Variants in HPS5 observed in about 807,000 individuals in gnomAD.
The protein encoded by HPS5 is BLOC-2 complex member HPS5.
HPS5 carries 83 observed loss-of-function variants against 128.0 expected under a neutral mutation model. That is an observed-to-expected ratio of 0.65 (90% CI 0.54 to 0.78). The LOEUF is 0.78. Among genes scored for constraint, HPS5 ranks in the 30% least tolerant of loss-of-function variants. The pLI, the probability that HPS5 is intolerant of heterozygous loss-of-function variation, is 0.00. For missense variants in HPS5, 1,281 were observed against 1,326.2 expected, an observed-to-expected ratio of 0.97 and a Z score of 0.53; for synonymous variants, 475 against 470.2, an observed-to-expected ratio of 1.01 and a Z score of -0.13.
At chr11:18,289,557 A>C (rs1208064833) in intron 16 of HPS5, among the ~76,000 whole-genome samples, 5 of 151,904 alleles carry the variant, frequency 3.3e-5, no homozygotes, top group African/African-American at 1.2e-4. Context: ...ATTTCACACA[A>C]AAGACAATCT....
At position 18,296,061 on chromosome 11, in the gene HPS5, G is replaced by A. The variant is rs1449878807; in HGVS notation, c.1572C>T (p.Phe524=). ...ETDKNETFLP[F]GIPLPFRSPS... ...GAGAACGAAATGGTAATGGAATGCC[G>A]AACGGGAGAAAAGTTTCATTCTTAT... Residue 524 remains phenylalanine, a synonymous_variant, in exon 13 of 23, where the codon TTC becomes TTT. Transcript: ENST00000349215. 14 of 1,612,904 alleles carry A rather than the reference G, an allele frequency of 8.7e-6. No homozygotes were observed. Among genetic ancestry groups the A allele is most frequent in the East Asian group, 2.2e-5 (1 of 44,870 alleles).
chr11:18,306,927 T>C (rs1862439997), intron 6 of HPS5, among the ~76,000 whole-genome samples: 1 of 152,206 alleles, frequency 6.6e-6, no homozygotes, highest in Non-Finnish European at 1.5e-5. Flanking sequence ...AAGGTGATAA[T>C]GATGAGGGAG....
intron 12 of HPS5, 71 bp from the exon 13 acceptor site, chr11:18,296,193 A>C: frequency 1.3e-6 from 2 of 1,514,748 alleles, no homozygotes; most frequent in Non-Finnish European, 1.8e-6. Context: ...CTTTAAAAAA[A>C]TTCTGAAATG....
intron 2 of HPS5, among the ~76,000 whole-genome samples, chr11:18,313,193 A>C (rs1321284048): frequency 6.6e-6 from 1 of 152,138 alleles, no homozygotes; most frequent in East Asian, 1.9e-4. Flanking sequence ...TTGAATTCCA[A>C]GGACAATCAA....
intron 4 of HPS5, 57 bp from the exon 5 acceptor site, chr11:18,310,990 G>T: frequency 7.7e-7 from 1 of 1,303,746 alleles, no homozygotes; most frequent in Non-Finnish European, 1.1e-6. Flanking sequence ...GTACAATTTT[G>T]TTGCATCACA....
At position 18,298,859 on chromosome 11, in the gene HPS5, C is replaced by T; in HGVS notation, c.1097G>A (p.Arg366Lys). 6.2e-7 allele frequency: 1 copy of T among 1,614,214 alleles called. No homozygotes were observed. The highest frequency in any genetic ancestry group is 8.5e-7 in the Non-Finnish European group (1 of 1,180,034). ...SVERCVERLLRRGLWNLAART... is the reference protein window; with the variant it reads ...SVERCVERLLKRGLWNLAART... ...AGCAGCCAAGTTCCATAGGCCTCTTCTTAGCAGGCGTTCCACACAGCGCTC... is the reference window on the plus strand; with the variant it reads ...AGCAGCCAAGTTCCATAGGCCTCTTTTTAGCAGGCGTTCCACACAGCGCTC... The change falls in exon 10 of 23, where the codon AGA becomes AAA. Residue 366 changes from arginine (R) to lysine (K), a missense_variant. Arg to Lys is a conservative substitution (Grantham distance 26). Coordinates refer to ENST00000349215, the MANE Select transcript of HPS5 (RefSeq NM_181507.2).
At position 18,310,800 on chromosome 11, in the gene HPS5, C is replaced by G. The variant is rs150043561; in HGVS notation, c.418G>C (p.Val140Leu). 3 of 1,614,152 alleles carry G rather than the reference C, an allele frequency of 1.9e-6. No individual in the cohort carries two copies. Among genetic ancestry groups the G allele is most frequent in the Non-Finnish European group, 2.5e-6 (3 of 1,180,008 alleles). ...GAAACCTTCCCAGCATGATCACCTACAAAAACTCTAAGAATAGCTGTATCC... is the reference window on the plus strand; with the variant it reads ...GAAACCTTCCCAGCATGATCACCTAGAAAAACTCTAAGAATAGCTGTATCC... ...CWDTAILRVF[V>L]GDHAGKVSAI... The change falls in exon 5 of 23, where the codon GTA (valine) becomes CTA (leucine). Residue 140 changes from valine to leucine, a missense_variant. Transcript: ENST00000349215.
chr11:18,311,516 T>A lies in HPS5; in HGVS notation c.220-65A>T, dbSNP rs915765049. ...TTTACATTATTATTATTATTATTTT[T>A]TTTTTTTTTTTTGAGACTGAGTCTC... On this transcript the variant is annotated intron_variant, in intron 3 of 22. Transcript: ENST00000349215. 1.2e-3 allele frequency: 1,040 copies of A among 866,196 alleles called. 2 individuals are homozygous for A. Among genetic ancestry groups the A allele is most frequent in the African/African-American group, 7.7e-3 (429 of 55,636 alleles). 53.7% of individuals were successfully genotyped at this position (866,196 alleles called of 1,614,324 possible). A position where few individuals can be genotyped will look rare whatever the true frequency, so the allele number is the denominator to read the frequency against.
At chr11:18,281,725 A>C (rs1167598242) in intron 22 of HPS5, among the ~76,000 whole-genome samples, 1 of 152,170 alleles carries the variant, frequency 6.6e-6, no homozygotes, top group Non-Finnish European at 1.5e-5. Context: ...ATATTTTTAA[A>C]GAATCAAGGA....
At chr11:18,290,462 T>G (rs981485905) in intron 16 of HPS5, among the ~76,000 whole-genome samples, 3 of 152,252 alleles carry the variant, frequency 2.0e-5, no homozygotes, top group African/African-American at 4.8e-5. Context: ...GTGTTTACCA[T>G]AATATCTGCC....
chr11:18,291,811 C>T lies in HPS5; in HGVS notation c.2071G>A (p.Glu691Lys), dbSNP rs762453342. The T allele has an allele frequency of 6.2e-7, 1 of 1,608,660 alleles. No individual in the cohort carries two copies. ...KGILDEDNEK[E>K]KRDSLGNEES... is the part of the protein sequence containing the mutation. The stretch of plus-strand genomic sequence containing the variant: ...TCATTGCCTAAAGAGTCCCTTTTTT[C>T]TTTTTCATTATCTTCATCTAATATT... The change falls in exon 16 of 23, where the codon GAA becomes AAA. Residue 691 changes from glutamate to lysine, a missense_variant. Physicochemically the swap from Glu to Lys is moderately conservative, Grantham distance 56. Coordinates refer to ENST00000349215, the MANE Select transcript of HPS5 (RefSeq NM_181507.2).
chr11:18,287,508 A>C (rs758640303), intron 18 of HPS5, 27 bp downstream of exon 18: 1 of 1,612,830 alleles, frequency 6.2e-7, no homozygotes, highest in East Asian at 2.2e-5. Flanking sequence ...AAGAAAGGAG[A>C]GTCTGCAAAT....
intron 2 of HPS5, among the ~76,000 whole-genome samples, chr11:18,313,596 C>T (rs1013359895): frequency 1.3e-5 from 2 of 152,090 alleles, no homozygotes; most frequent in Non-Finnish European, 1.5e-5. Flanking sequence ...AATAAGACTC[C>T]AGCCCTAATT....
intron 3 of HPS5, 97 bp downstream of exon 3, chr11:18,311,817 T>G (rs1334764970): frequency 1.0e-6 from 1 of 977,920 alleles, no homozygotes; most frequent in Admixed American, 1.7e-5. Flanking sequence ...AGCCAAGTTC[T>G]ACATTCTTTT....
Position 18,316,978 on chromosome 11 carries a change from A to G in HPS5, c.108+773T>C, listed in dbSNP as rs563863020. On this transcript the variant is annotated intron_variant, in intron 2 of 22. Coordinates refer to ENST00000349215, the MANE Select transcript of HPS5 (RefSeq NM_181507.2). ...GGGAGGCCGAGGCGGGCAGATCACG[A>G]GGTCAGGAGATCGAGACCATCCTGG... 4.9e-4 allele frequency among the ~76,000 whole-genome samples: 75 copies of G among 152,232 alleles called. 1 individual carries two copies. The highest frequency in any genetic ancestry group is 1.8e-3 in the African/African-American group (73 of 41,556).
chr11:18,286,910 GAAAAA>G, intron 18 of HPS5, 200 bp from the exon 19 acceptor site: 2 of 496,562 alleles, frequency 4.0e-6, no homozygotes, highest in Non-Finnish European at 7.0e-6. Context: ...GGCCAAAAAA[GAAAAA>G]AAAAAAGGGA....
At position 18,278,746 on chromosome 11, in the gene HPS5, A is replaced by G. The variant is rs1858519236; in HGVS notation, c.*1136T>C. ...TGCTCATAATAAACCTCCTGTCTAC[A>G]TTGTGTTCCAATGAAAACTTTAGTC... is the stretch of plus-strand genomic sequence containing the variant. On this transcript the variant is annotated 3_prime_UTR_variant, in exon 23 of 23. Coordinates refer to ENST00000349215, the MANE Select transcript of HPS5 (RefSeq NM_181507.2). The G allele has an allele frequency of 6.6e-6, 1 of 152,338 alleles. No homozygotes were observed. Among genetic ancestry groups the G allele is most frequent in the Admixed American group, 6.5e-5 (1 of 15,290 alleles). The allele number at this position is 152,338 out of a possible 1,614,324, so 9.4% of individuals were successfully genotyped here.
chr11:18,309,086 G>T lies in HPS5; in HGVS notation c.478-7C>A, dbSNP rs1386945603. ...TCACAAAAGCAGCAGCTGCCTAAAAGGAATGTGAGAAAGAAATAAAGTTTA... is the reference window on the plus strand; with the variant it reads ...TCACAAAAGCAGCAGCTGCCTAAAATGAATGTGAGAAAGAAATAAAGTTTA... On this transcript the variant is annotated splice_region_variant and splice_polypyrimidine_tract_variant and intron_variant, in intron 5 of 22. Coordinates refer to ENST00000349215, the MANE Select transcript of HPS5 (RefSeq NM_181507.2). 6.2e-7 allele frequency: 1 copy of T among 1,613,222 alleles called. No homozygotes were observed. Among genetic ancestry groups the T allele is most frequent in the South Asian group, 1.1e-5 (1 of 91,044 alleles).
intron 19 of HPS5, among the ~76,000 whole-genome samples, chr11:18,286,172 A>AT (rs1228720324): frequency 6.6e-6 from 1 of 152,240 alleles, no homozygotes; most frequent in East Asian, 1.9e-4. Context: ...TTCCATAGCT[A>AT]TTTCTAAAGT....
Sources: allele counts gnomAD v4.1 joint callset (sites outside exome capture counted in the v4.1 genomes callset), GRCh38; gene constraint gnomAD v4.1.1; transcripts MANE v1.5; gene names NCBI Gene and HGNC (gene_info 2026-07-23, HGNC 2026-07-21).